The following RIMS1 variants were observed in gnomAD, a reference collection of about 807,000 sequenced individuals.
RIMS1 encodes regulating synaptic membrane exocytosis protein 1.
RIMS1 carries 83 observed loss-of-function variants against 214.1 expected under a neutral mutation model. The ratio of observed to expected loss-of-function variants is 0.39; its 90% CI spans 0.32 to 0.47. The LOEUF (loss-of-function observed/expected upper bound fraction) is 0.47. Ranked by LOEUF, RIMS1 falls within the 20% of genes least tolerant of loss-of-function variation. RIMS1 has a pLI of 0.99. For missense variants in RIMS1, 2,050 were observed against 2,161.8 expected (o/e 0.95, Z 1.03); for synonymous variants, 793 against 786.8 (o/e 1.01, Z -0.13).
intron 29 of RIMS1, among the ~76,000 whole-genome samples, chr6:72,385,817 A>G (rs911218039): frequency 6.6e-6 from 1 of 152,194 alleles, no homozygotes; most frequent in Admixed American, 6.5e-5. Context: ...CCAAATTAAT[A>G]TTGGGACCCT....
chr6:72,312,961 T>C (rs1370092783), intron 27 of RIMS1, among the ~76,000 whole-genome samples: 1 of 152,166 alleles, frequency 6.6e-6, no homozygotes, highest in Non-Finnish European at 1.5e-5. Flanking sequence ...TGGTATATTT[T>C]TTCTATATAC....
chr6:72,271,286 A>AAATATAT (rs1417580438), intron 22 of RIMS1, among the ~76,000 whole-genome samples: 109 of 44,328 alleles, frequency 2.5e-3, no homozygotes, highest in Non-Finnish European at 3.4e-3. Flanking sequence ...AAAAAAAAAA[A>AAATATAT]ATATATATAT....
At chr6:72,341,253 T>C (rs2097080054) in intron 29 of RIMS1, among the ~76,000 whole-genome samples, 1 of 152,032 alleles carries the variant, frequency 6.6e-6, no homozygotes, top group Non-Finnish European at 1.5e-5. Context: ...CTTCCTCTTT[T>C]CCTAACTGAA....
chr6:72,108,205 G>A (rs551505604), intron 4 of RIMS1, among the ~76,000 whole-genome samples: 5 of 152,000 alleles, frequency 3.3e-5, no homozygotes, highest in South Asian at 4.2e-4. Context: ...GGCCATCTTC[G>A]CTTCCTGCAG....
At chr6:72,064,233 G>T (rs1395170261) in intron 2 of RIMS1, among the ~76,000 whole-genome samples, 2 of 152,056 alleles carry the variant, frequency 1.3e-5, no homozygotes, top group Non-Finnish European at 2.9e-5. Flanking sequence ...CAGGAGAGTT[G>T]CTTGAACCCA....
At chr6:72,392,902 A>G (rs2098722294) in intron 31 of RIMS1, 92 bp downstream of exon 31, 1 of 821,112 alleles carries the variant, frequency 1.2e-6, no homozygotes, top group Admixed American at 2.6e-5. Context: ...TAGCAATACA[A>G]GTGAGAAGCA....
intron 28 of RIMS1, among the ~76,000 whole-genome samples, chr6:72,329,294 G>A (rs2096582304): frequency 6.6e-6 from 1 of 151,734 alleles, no homozygotes; most frequent in South Asian, 2.1e-4. Context: ...CAGAAAAATA[G>A]CAAATGTTGG....
intron 26 of RIMS1, among the ~76,000 whole-genome samples, chr6:72,297,724 A>T (rs1221439032): frequency 1.3e-5 from 2 of 152,044 alleles, no homozygotes; most frequent in Non-Finnish European, 2.9e-5. Context: ...TATAGGTCAG[A>T]AAAAGAATGC....
intron 4 of RIMS1, among the ~76,000 whole-genome samples, chr6:72,120,392 CT>C (rs1218022036): frequency 5.3e-5 from 8 of 151,900 alleles, no homozygotes; most frequent in African/African-American, 1.9e-4. Context: ...ATTTGCATTT[CT>C]CTGATGGCCA....
chr6:72,169,018 C>G (rs566043359), intron 4 of RIMS1, among the ~76,000 whole-genome samples: 2 of 152,154 alleles, frequency 1.3e-5, no homozygotes, highest in Non-Finnish European at 2.9e-5. Flanking sequence ...ATGATCATTT[C>G]TGTTTTGTAT....
chr6:72,151,648 T>C (rs1377024185), intron 4 of RIMS1, among the ~76,000 whole-genome samples: 1 of 152,224 alleles, frequency 6.6e-6, no homozygotes, highest in Non-Finnish European at 1.5e-5. Context: ...TGTTTTTCTG[T>C]AACCAAGAAA....
intron 6 of RIMS1, among the ~76,000 whole-genome samples, chr6:72,225,223 A>G (rs1469028884): frequency 1.1e-5 from 1 of 90,082 alleles, no homozygotes; most frequent in Non-Finnish European, 2.3e-5. Context: ...TACAGTATAA[A>G]CTTTTCTACT....
intron 1 of RIMS1, among the ~76,000 whole-genome samples, chr6:71,911,301 C>T (rs937375361): frequency 6.6e-6 from 1 of 152,172 alleles, no homozygotes; most frequent in Admixed American, 6.6e-5. Flanking sequence ...GAGAGCCACA[C>T]AAGAACTGAG....
intron 6 of RIMS1, among the ~76,000 whole-genome samples, chr6:72,186,311 G>A (rs2153974912): frequency 6.6e-6 from 1 of 152,244 alleles, no homozygotes; most frequent in African/African-American, 2.4e-5. Flanking sequence ...AAAAGTTGTG[G>A]GAATATTGTG....
intron 1 of RIMS1, among the ~76,000 whole-genome samples, chr6:71,947,074 T>A (rs760080076): frequency 4.0e-5 from 6 of 151,830 alleles, no homozygotes; most frequent in Non-Finnish European, 7.4e-5. Flanking sequence ...AAATGCAAAT[T>A]AAAACCACAG....
Position 72,179,901 on chromosome 6 carries a change from A to G in RIMS1, c.798A>G (p.Glu266=), listed in dbSNP as rs755868505. The change falls in exon 5 of 34, where the codon GAA becomes GAG. Residue 266 remains glutamate, a synonymous_variant. Coordinates refer to ENST00000521978, the MANE Select transcript of RIMS1 (RefSeq NM_014989.7). Reference sequence around the variant, plus strand: ...AGGCTTCATCCAGGTCTAGAAGTGAACCTCCTAGAGAGAGGTAATAGTTCT... The same window carrying G: ...AGGCTTCATCCAGGTCTAGAAGTGAGCCTCCTAGAGAGAGGTAATAGTTCT... ...QKQASSRSRS[E]PPRERKKTPG... is the part of the protein sequence containing the mutation. 2.5e-4 allele frequency: 384 copies of G among 1,532,770 alleles called. No homozygotes were observed. The highest frequency in any genetic ancestry group is 3.1e-4 in the Non-Finnish European group (356 of 1,141,112). 94.9% of individuals were successfully genotyped at this position (1,532,770 alleles called of 1,614,324 possible).
chr6:72,264,109 GT>G, intron 19 of RIMS1: 2 of 694,206 alleles, frequency 2.9e-6, no homozygotes, highest in Non-Finnish European at 3.5e-6. Flanking sequence ...GGTGTTTGAT[GT>G]TTAGGAAGCC....
intron 29 of RIMS1, among the ~76,000 whole-genome samples, chr6:72,344,764 A>G (rs995162538): frequency 1.3e-5 from 2 of 151,870 alleles, no homozygotes; most frequent in Admixed American, 1.3e-4. Flanking sequence ...CTCATCTTCT[A>G]AAGAGATGCC....
intron 28 of RIMS1, 34 bp from the exon 29 acceptor site, chr6:72,333,566 T>C: frequency 1.4e-6 from 2 of 1,433,536 alleles, no homozygotes; most frequent in South Asian, 1.2e-5. Flanking sequence ...CTGTAATTTA[T>C]GGATGCATAT....
Sources: allele counts gnomAD v4.1 joint callset (sites outside exome capture counted in the v4.1 genomes callset), GRCh38; gene constraint gnomAD v4.1.1; transcripts MANE v1.5; gene names NCBI Gene and HGNC (gene_info 2026-07-23, HGNC 2026-07-21).